DIP2C: variants seen among roughly 807,000 people sequenced by gnomAD.
DIP2C encodes the protein DIP2 acetate--CoA ligase C (putative).
Under a neutral mutation model 192.4 loss-of-function variants are expected in DIP2C, and 33 were observed. The ratio of observed to expected loss-of-function variants is 0.17; its 90% CI spans 0.13 to 0.23. The LOEUF is 0.23. Among genes scored for constraint, DIP2C ranks in the 10% least tolerant of loss-of-function variants. The pLI is 1.00. For synonymous variants in DIP2C, 979 were observed against 864.1 expected (o/e 1.13, Z -2.33); for missense variants, 1,537 against 2,110.1 (o/e 0.73, Z 5.32).
chr10:367,302 A>T (rs923025923), intron 18 of DIP2C, among the ~76,000 whole-genome samples: 4 of 151,942 alleles, frequency 2.6e-5, no homozygotes, highest in African/African-American at 9.7e-5. Context: ...CTGTAGTCCC[A>T]GCTCCTCGGG....
chr10:522,824 G>C (rs1846796014), intron 1 of DIP2C, among the ~76,000 whole-genome samples: 2 of 152,202 alleles, frequency 1.3e-5, no homozygotes, highest in South Asian at 4.1e-4. Context: ...CCGTCTGCGT[G>C]GCCCACAAGC....
chr10:631,660 A>G (rs990767772), intron 1 of DIP2C, among the ~76,000 whole-genome samples: 7 of 152,246 alleles, frequency 4.6e-5, no homozygotes, highest in Admixed American at 3.9e-4. Flanking sequence ...TCTTTATCAA[A>G]CATTCACTCA....
intron 1 of DIP2C, among the ~76,000 whole-genome samples, chr10:500,607 A>G (rs1204017561): frequency 2.6e-5 from 4 of 152,264 alleles, no homozygotes; most frequent in African/African-American, 4.8e-5. Flanking sequence ...TACACAAAAC[A>G]AAGTGCACAC....
chr10:415,960 C>A, intron 6 of DIP2C, 72 bp from the exon 7 acceptor site: 1 of 1,597,852 alleles, frequency 6.3e-7, no homozygotes, highest in East Asian at 2.2e-5. Context: ...GTCCCACAGT[C>A]CCACAGCCCC....
chr10:674,789 TAGAGAGAGAGAGAG>T (rs1554772102), intron 1 of DIP2C, among the ~76,000 whole-genome samples: 4 of 62,488 alleles, frequency 6.4e-5, no homozygotes, highest in Middle Eastern at 8.9e-3. Context: ...TATATATATA[TAGAGAGAGAGAGAG>T]AGAGAGAGAG....
At chr10:378,626 CGA>C (rs1564635831) in intron 17 of DIP2C, among the ~76,000 whole-genome samples, 133 of 147,382 alleles carry the variant, frequency 9.0e-4, no homozygotes, top group African/African-American at 2.9e-3. Context: ...TAAAGACACA[CGA>C]ACACAGACAT....
At chr10:544,471 G>GT (rs1367272959) in intron 1 of DIP2C, among the ~76,000 whole-genome samples, 3 of 152,182 alleles carry the variant, frequency 2.0e-5, no homozygotes, top group Admixed American at 1.3e-4. Flanking sequence ...TTGCTGGGTC[G>GT]TACAGTGATT....
intron 29 of DIP2C, among the ~76,000 whole-genome samples, chr10:334,304 CAAAAA>C (rs35031456): frequency 2.3e-4 from 19 of 82,406 alleles, no homozygotes; most frequent in African/African-American, 6.7e-4. Context: ...AAGACTGTCT[CAAAAA>C]AAAAAAAAAA....
chr10:369,713 G>T, intron 17 of DIP2C, 80 bp from the exon 18 acceptor site: 4 of 1,606,120 alleles, frequency 2.5e-6, no homozygotes, highest in Non-Finnish European at 2.5e-6. Context: ...GCACACATGC[G>T]GCAGGCTGGG....
intron 1 of DIP2C, among the ~76,000 whole-genome samples, chr10:510,101 A>T (rs1272955968): frequency 6.6e-6 from 1 of 152,230 alleles, no homozygotes; most frequent in South Asian, 2.1e-4. Flanking sequence ...TATCTGTAGC[A>T]ATCGCCTTCC....
intron 1 of DIP2C, among the ~76,000 whole-genome samples, chr10:498,196 G>T (rs1228441553): frequency 6.6e-6 from 1 of 152,170 alleles, no homozygotes; most frequent in African/African-American, 2.4e-5. Context: ...CACAGTACTT[G>T]AGTTTTCCCA....
chr10:459,195 C>T (rs374634797), intron 3 of DIP2C, among the ~76,000 whole-genome samples: 1 of 152,080 alleles, frequency 6.6e-6, no homozygotes, highest in South Asian at 2.1e-4. Flanking sequence ...TCTCAGAACC[C>T]TCCCCCACCC....
chr10:389,787 ATGTC>A (rs1963308319), intron 13 of DIP2C, among the ~76,000 whole-genome samples, 200 bp downstream of exon 13: 1 of 152,216 alleles, frequency 6.6e-6, no homozygotes, highest in South Asian at 2.1e-4. Context: ...GCGGACATAA[ATGTC>A]TGCTGTTGAA....
At chr10:394,429 A>G (rs529975985) in intron 10 of DIP2C, among the ~76,000 whole-genome samples, 3 of 152,032 alleles carry the variant, frequency 2.0e-5, no homozygotes, top group African/African-American at 7.2e-5. Context: ...TACATCACAC[A>G]GTGGGTGCTA....
At chr10:596,337 C>G (rs937172543) in intron 1 of DIP2C, among the ~76,000 whole-genome samples, 4 of 151,456 alleles carry the variant, frequency 2.6e-5, no homozygotes, top group African/African-American at 9.7e-5. Flanking sequence ...TGGTGAAACC[C>G]CATCTCTAAC....
chr10:575,051 C>T (rs1319824183), intron 1 of DIP2C, among the ~76,000 whole-genome samples: 3 of 152,116 alleles, frequency 2.0e-5, no homozygotes, highest in East Asian at 1.9e-4. Flanking sequence ...TGGTATCAAT[C>T]AGTCTGCTGG....
intron 17 of DIP2C, among the ~76,000 whole-genome samples, chr10:377,286 G>T (rs10904065): frequency 0.25 from 38,266 of 152,214 alleles, 6,005 homozygotes; most frequent in Non-Finnish European, 0.36. Context: ...GAGGTTATGG[G>T]CTGGAACTGG....
At chr10:437,901 A>C (rs1386141354) in intron 4 of DIP2C, 3 of 152,270 alleles carry the variant, frequency 2.0e-5, no homozygotes, top group African/African-American at 7.2e-5. Flanking sequence ...TGTTACCAAC[A>C]ACCAAGAAAA....
intron 1 of DIP2C, among the ~76,000 whole-genome samples, chr10:570,030 C>A (rs1588482124): frequency 1.3e-5 from 2 of 152,184 alleles, no homozygotes; most frequent in Admixed American, 6.5e-5. Flanking sequence ...AGAGCTCCAG[C>A]CAACCTTGCA....
Sources: gnomAD v4.1 joint callset for allele counts (sites outside exome capture counted in the v4.1 genomes callset) on GRCh38, gnomAD v4.1.1 for gene constraint, MANE v1.5 for transcripts, NCBI Gene and HGNC (gene_info 2026-07-23, HGNC 2026-07-21) for gene names.